COMMD7: variants seen among roughly 807,000 people sequenced by gnomAD.
The protein encoded by COMMD7 is COMM domain-containing protein 7.
Under a neutral mutation model 34.8 loss-of-function variants are expected in COMMD7, and 28 were observed. The observed-to-expected ratio is 0.80, with a 90% CI of 0.60 to 1.10. COMMD7 has a LOEUF of 1.10. Among genes scored for constraint, COMMD7 ranks in the 50% least tolerant of loss-of-function variants. The probability of loss-of-function intolerance (pLI) is 0.00; values close to 1 mark genes in which losing one functional copy is unlikely to be tolerated. For synonymous variants in COMMD7, 80 were observed against 86.4 expected, an observed-to-expected ratio of 0.93 and a Z score of 0.41; for missense variants, 211 against 241.6, an observed-to-expected ratio of 0.87 and a Z score of 0.84.
Position 32,733,695 on chromosome 20 carries a change from C to T in COMMD7, c.85-5553G>A, listed in dbSNP as rs191072594. Among the ~76,000 whole-genome samples the T allele has an allele frequency of 1.0e-3, 144 of 138,500 alleles. 1 individual carries two copies. Among genetic ancestry groups the T allele is most frequent in the Non-Finnish European group, 1.7e-3 (111 of 65,512 alleles). The allele number at this position is 138,500 out of a possible 152,430, so 90.9% of individuals were successfully genotyped here. ...TTGCACCATTGCACTCCAACCTGGGCGACAGGGCAAGACTCCATCTCAAAA... is the reference window on the plus strand; with the variant it reads ...TTGCACCATTGCACTCCAACCTGGGTGACAGGGCAAGACTCCATCTCAAAA... On this transcript the variant is annotated intron_variant, in intron 1 of 8. Transcript: ENST00000278980.
intron 3 of COMMD7, among the ~76,000 whole-genome samples, chr20:32,716,653 G>A (rs866562296): frequency 6.6e-6 from 1 of 152,216 alleles, no homozygotes; most frequent in Middle Eastern, 3.4e-3. Context: ...GTTTGCACTG[G>A]GCATGTTGCC....
intron 3 of COMMD7, among the ~76,000 whole-genome samples, chr20:32,723,279 C>T (rs1489609439): frequency 8.4e-4 from 27 of 31,976 alleles, no homozygotes; most frequent in African/African-American, 3.3e-3. Context: ...CGAGTGCCTG[C>T]GATTGCAGGC....
chr20:32,703,455 A>C lies in COMMD7; in HGVS notation c.530T>G (p.Leu177Ter). Residue 177 changes from leucine to a stop codon, truncating the protein, a stop_gained, in exon 9 of 9, where the codon TTA becomes TGA. Transcript: ENST00000278980. LOFTEE classifies it high-confidence loss of function. ...GNQTENVYIE[L>*]TLPQFYSFLH... ...GAAGCTGTAGAACTGAGGCAAGGTT[A>C]ATTCTGGGGAGAGAAAATTCAGCTT... The C allele has an allele frequency of 6.2e-7, 1 of 1,612,686 alleles. No individual in the cohort carries two copies. The highest frequency in any genetic ancestry group is 8.5e-7 in the Non-Finnish European group (1 of 1,179,602).
rs138572598 is a variant in COMMD7, at chr20:32,728,152, AAAC to A, written c.85-13_85-11del. ...TCAGGGCTGAGAACTGCTGTGAAGA[AAAC>A]AACACAGAACATCAGTACAATTTCT... On this transcript the variant is annotated splice_polypyrimidine_tract_variant and intron_variant, in intron 1 of 8. Coordinates refer to ENST00000278980, the MANE Select transcript of COMMD7 (RefSeq NM_053041.3). 2.3e-3 allele frequency: 3,657 copies of A among 1,613,890 alleles called. 12 individuals are homozygous for A. Among genetic ancestry groups the A allele is most frequent in the Non-Finnish European group, 2.2e-3 (2,631 of 1,179,862 alleles).
chr20:32,729,888 T>G (rs1985739266), intron 1 of COMMD7, among the ~76,000 whole-genome samples: 1 of 150,768 alleles, frequency 6.6e-6, no homozygotes. Context: ...TGGCGTGTAC[T>G]TGTAATCCCA....
chr20:32,733,833 C>T (rs1428064206), intron 1 of COMMD7, among the ~76,000 whole-genome samples: 2 of 149,536 alleles, frequency 1.3e-5, no homozygotes, highest in African/African-American at 2.5e-5. Context: ...TGCAGTGAGC[C>T]GAGATTGCAC....
Position 32,727,973 on chromosome 20 carries a change from A to G in COMMD7, c.161T>C (p.Leu54Pro). The G allele has an allele frequency of 6.2e-7, 1 of 1,614,140 alleles. No homozygotes were observed. The highest frequency in any genetic ancestry group is 8.5e-7 in the Non-Finnish European group (1 of 1,180,004). Residue 54 changes from leucine to proline, a missense_variant, in exon 3 of 9, where the codon CTC becomes CCC. Coordinates refer to ENST00000278980, the MANE Select transcript of COMMD7 (RefSeq NM_053041.3). ...CTGATTGGTGGTGGCAAATTCAGAG[A>G]GCTGAGCCAGAAATCTTTCCACCTG... ...PKEVERFLAQ[L>P]SEFATTNQIS...
chr20:32,705,376 A>AT (rs200183828), intron 5 of COMMD7, among the ~76,000 whole-genome samples: 1,769 of 125,434 alleles, frequency 0.014, 30 homozygotes, highest in African/African-American at 0.051. Context: ...ATATATATAT[A>AT]TTTTTTTTTT....
chr20:32,732,384 C>T (rs1985889000), intron 1 of COMMD7, among the ~76,000 whole-genome samples: 1 of 152,188 alleles, frequency 6.6e-6, no homozygotes, highest in Non-Finnish European at 1.5e-5. Context: ...ACCAACCACA[C>T]CCAACCGGCA....
chr20:32,723,079 T>TGCACTTTAGG (rs1156533738), intron 3 of COMMD7, among the ~76,000 whole-genome samples: 22 of 57,236 alleles, frequency 3.8e-4, no homozygotes, highest in East Asian at 8.9e-4. Flanking sequence ...CTTGTGATCC[T>TGCACTTTAGG]CTCCCTCTCC....
rs1372674659 is a variant in COMMD7 at position 32,709,308 on chromosome 20, G to A, written c.242-2548C>T. ...AAATTAGCCGGGTGTGGTGGCATGC[G>A]CCTGTAGTCCCAGCTACTTGGGAGG... On this transcript the variant is annotated intron_variant, in intron 3 of 8. Transcript: ENST00000278980. 4.0e-5 allele frequency among the ~76,000 whole-genome samples: 6 copies of A among 151,806 alleles called. No individual in the cohort carries two copies. In the South Asian group the frequency reaches 1.0e-3, roughly 26 times the overall value.
intron 3 of COMMD7, among the ~76,000 whole-genome samples, chr20:32,727,460 C>T (rs1295651951): frequency 1.4e-5 from 2 of 147,068 alleles, no homozygotes; most frequent in East Asian, 2.0e-4. Flanking sequence ...CACTTGAACT[C>T]GGATGGCAGA....
rs866555603 is a variant in COMMD7, at chr20:32,703,240, A to C, written c.*142T>G. The C allele has an allele frequency of 1.3e-4, 89 of 664,936 alleles. 1 individual carries two copies. The highest frequency in any genetic ancestry group is 8.1e-4 in the East Asian group (30 of 37,054). 41.2% of individuals were successfully genotyped at this position (664,936 alleles called of 1,614,324 possible). Reference sequence around the variant, plus strand: ...TACTTAATCCTGCTGTTTTTCAGAAACCCTTTGCACCTGGGCCCCATGGAG... The same window carrying C: ...TACTTAATCCTGCTGTTTTTCAGAACCCCTTTGCACCTGGGCCCCATGGAG... On this transcript the variant is annotated 3_prime_UTR_variant, in exon 9 of 9. Transcript: ENST00000278980.
intron 1 of COMMD7, among the ~76,000 whole-genome samples, chr20:32,737,173 C>T (rs574480425): frequency 5.3e-5 from 8 of 151,148 alleles, no homozygotes; most frequent in Non-Finnish European, 1.0e-4. Flanking sequence ...CAGAGCGAGA[C>T]TCCATCTCAA....
At chr20:32,743,236 G>GGGGCCCC in intron 1 of COMMD7, 72 bp downstream of exon 1, 2 of 555,856 alleles carry the variant, frequency 3.6e-6, no homozygotes, top group East Asian at 4.2e-5. Flanking sequence ...ACCCCCGGAC[G>GGGGCCCC]TCCCCCCCAC....
chr20:32,703,541 T>A, intron 8 of COMMD7, 83 bp from the exon 9 acceptor site: 2 of 1,524,998 alleles, frequency 1.3e-6, no homozygotes, highest in Non-Finnish European at 8.8e-7. Context: ...CCCGGAGGAT[T>A]TTTTTTTTCT....
At position 32,706,763 on chromosome 20, in the gene COMMD7, G is replaced by A. The variant is rs1216065461; in HGVS notation, c.242-3C>T. 1.2e-6 allele frequency: 2 copies of A among 1,612,900 alleles called. No homozygotes were observed. The highest frequency in any genetic ancestry group is 1.3e-5 in the African/African-American group (1 of 74,808). ...TGTGAGACTCTTCTTCAAAGCACCT[G>A]GGAGGCAGGGGAGAAATCAGTTAGA... On this transcript the variant is annotated splice_polypyrimidine_tract_variant and splice_region_variant and intron_variant, in intron 3 of 8. Coordinates refer to ENST00000278980, the MANE Select transcript of COMMD7 (RefSeq NM_053041.3).
intron 3 of COMMD7, 52 bp downstream of exon 3, chr20:32,727,841 G>C (rs1985603424): frequency 7.1e-7 from 1 of 1,406,840 alleles, no homozygotes; most frequent in African/African-American, 1.4e-5. Context: ...ATGGACTAAA[G>C]GAATGTTCAA....
At chr20:32,726,891 A>C (rs1464684020) in intron 3 of COMMD7, among the ~76,000 whole-genome samples, 2 of 152,112 alleles carry the variant, frequency 1.3e-5, no homozygotes, top group Non-Finnish European at 2.9e-5. Flanking sequence ...AAGATATAGG[A>C]AAGTGCTGAA....
Sources: allele counts gnomAD v4.1 joint callset (sites outside exome capture counted in the v4.1 genomes callset), GRCh38; gene constraint gnomAD v4.1.1; transcripts MANE v1.5; gene names NCBI Gene and HGNC (gene_info 2026-07-23, HGNC 2026-07-21).